Variants in STK3 observed in about 807,000 individuals in gnomAD.
STK3 encodes serine/threonine kinase 3, also known as serine/threonine-protein kinase 3.
In STK3, 41 loss-of-function variants were observed where a neutral mutation model predicts 58.0. The observed-to-expected ratio is 0.71, with a 90% CI of 0.55 to 0.92. STK3 has a LOEUF of 0.92. STK3 is among the 40% of genes least tolerant of loss of function. The pLI, the probability that STK3 is intolerant of heterozygous loss-of-function variation, is 0.00. For missense variants in STK3, 479 were observed against 602.7 expected (o/e 0.79, Z 2.15); for synonymous variants, 170 against 191.0 (o/e 0.89, Z 0.91).
intron 6 of STK3, chr8:98,602,047 T>G (rs1001685600): frequency 2.0e-5 from 3 of 152,228 alleles, no homozygotes; most frequent in African/African-American, 7.2e-5. Context: ...AGAACCACTA[T>G]TCTAAAATAT....
At chr8:98,535,732 A>C (rs995137638) in intron 9 of STK3, among the ~76,000 whole-genome samples, 1 of 152,220 alleles carries the variant, frequency 6.6e-6, no homozygotes, top group South Asian at 2.1e-4. Context: ...TTCTAATATG[A>C]CCTACATATT....
intron 3 of STK3, among the ~76,000 whole-genome samples, chr8:98,423,424 A>G (rs11785588): frequency 0.074 from 11,191 of 152,256 alleles, 626 homozygotes; most frequent in African/African-American, 0.15. Flanking sequence ...CAGCTGGTGG[A>G]GAAGAGAGCA....
intron 8 of STK3, among the ~76,000 whole-genome samples, chr8:98,577,113 G>A: frequency 6.6e-6 from 1 of 152,128 alleles, no homozygotes; most frequent in Non-Finnish European, 1.5e-5. Context: ...AAGTTGATTT[G>A]TCAGTTTTTT....
intron 7 of STK3, among the ~76,000 whole-genome samples, chr8:98,593,839 C>T (rs1042934775): frequency 3.3e-5 from 5 of 151,960 alleles, no homozygotes; most frequent in African/African-American, 7.3e-5. Context: ...AGAATGGTTC[C>T]TAGGCTTCCT....
chr8:98,539,064 C>G (rs1810016082), intron 9 of STK3, among the ~76,000 whole-genome samples: 1 of 152,142 alleles, frequency 6.6e-6, no homozygotes, highest in African/African-American at 2.4e-5. Flanking sequence ...AGGAATGGAA[C>G]AGTTTTTCAT....
At chr8:98,917,653 C>A (rs1467323518) in intron 1 of STK3, among the ~76,000 whole-genome samples, 4 of 152,176 alleles carry the variant, frequency 2.6e-5, no homozygotes, top group African/African-American at 7.2e-5. Flanking sequence ...TCTCGAATAG[C>A]CCAGCCTCTA....
In STK3 at chr8:98,547,971, T is replaced by C. The variant is rs1321523112; in HGVS notation, c.1139A>G (p.Lys380Arg). ...TTTAATGTAAAAAAGCCACATACTT[T>C]TCATAGTTCCATCTTCTTCTTCCTC... Reference protein sequence around the residue: ...EDEEEEDGTMKRNATSPQVQR... With the variant: ...EDEEEEDGTMRRNATSPQVQR... Residue 380 changes from lysine to arginine, a missense_variant and splice_region_variant, in exon 9 of 11, where the codon AAA (lysine) becomes AGA (arginine). This residue lies in a region of STK3 where 309 missense variants were observed against 355.7 expected (regional missense o/e 0.87). Coordinates refer to ENST00000419617, the MANE Select transcript of STK3 (RefSeq NM_006281.4). 1.9e-6 allele frequency: 3 copies of C among 1,572,048 alleles called. No homozygotes were observed. The highest frequency in any genetic ancestry group is 2.6e-6 in the Non-Finnish European group (3 of 1,161,496).
chr8:98,814,548 C>A (rs1055915315), intron 1 of STK3, among the ~76,000 whole-genome samples: 20 of 152,110 alleles, frequency 1.3e-4, no homozygotes, highest in Admixed American at 3.9e-4. Context: ...ACCAGGTCAC[C>A]CAAGCTGGAG....
intron 3 of STK3, among the ~76,000 whole-genome samples, chr8:98,410,292 C>T (rs1361280302): frequency 1.3e-5 from 2 of 152,084 alleles, no homozygotes; most frequent in Non-Finnish European, 2.9e-5. Flanking sequence ...ATGTGAACGC[C>T]GTCCTCTCGC....
chr8:98,926,119 A>G (rs991558223), intron 1 of STK3, among the ~76,000 whole-genome samples: 6 of 152,160 alleles, frequency 3.9e-5, no homozygotes, highest in African/African-American at 1.2e-4. Context: ...TATTTCAAGA[A>G]CCACATATAA....
At chr8:98,712,527 G>C (rs970778910) in intron 4 of STK3, among the ~76,000 whole-genome samples, 1 of 151,124 alleles carries the variant, frequency 6.6e-6, no homozygotes, top group Admixed American at 6.6e-5. Flanking sequence ...AAGATCAAAA[G>C]AGACAAAGAA....
intron 8 of STK3, among the ~76,000 whole-genome samples, chr8:98,550,897 T>G (rs1362886213): frequency 6.6e-6 from 1 of 152,338 alleles, no homozygotes; most frequent in South Asian, 2.1e-4. Flanking sequence ...TCTTGAATAC[T>G]ATTTCTATCA....
chr8:98,717,201 A>C (rs946964030), intron 4 of STK3, among the ~76,000 whole-genome samples: 3 of 151,956 alleles, frequency 2.0e-5, no homozygotes, highest in Non-Finnish European at 4.4e-5. Flanking sequence ...AAAAAAAAAA[A>C]CCTGTGCATC....
upstream of STK3, among the ~76,000 whole-genome samples, chr8:98,828,445 A>AC (rs1267825204): frequency 7.0e-3 from 1,039 of 147,422 alleles, 22 homozygotes; most frequent in African/African-American, 0.024. Context: ...TACAAAAAAA[A>AC]AAAAAAAAAA....
At chr8:98,368,631 TC>T (rs1817585781), downstream of STK3, among the ~76,000 whole-genome samples, 1 of 152,150 alleles carries the variant, frequency 6.6e-6, no homozygotes, top group Non-Finnish European at 1.5e-5. Context: ...CAAACCTATG[TC>T]TCCTGCATTC....
chr8:98,914,806 T>C (rs1263414089), intron 1 of STK3, among the ~76,000 whole-genome samples: 2 of 152,178 alleles, frequency 1.3e-5, no homozygotes, highest in Non-Finnish European at 2.9e-5. Context: ...AAACAGTGGT[T>C]GATTGAAGGA....
chr8:98,404,021 C>A (rs1817969452), intron 3 of STK3, among the ~76,000 whole-genome samples: 1 of 152,320 alleles, frequency 6.6e-6, no homozygotes, highest in South Asian at 2.1e-4. Flanking sequence ...GGTCAAACCC[C>A]CACAAATGCA....
At chr8:98,500,174 C>CA (rs11367582) in intron 10 of STK3, among the ~76,000 whole-genome samples, 3 of 151,428 alleles carry the variant, frequency 2.0e-5, no homozygotes, top group South Asian at 2.1e-4. Context: ...GTCATGTGAC[C>CA]AAAAAAAAAG....
intron 1 of STK3, among the ~76,000 whole-genome samples, chr8:98,447,348 G>A (rs1208874591): frequency 6.6e-6 from 1 of 152,052 alleles, no homozygotes; most frequent in Non-Finnish European, 1.5e-5. Context: ...TACCTTTGAG[G>A]ACTTCCAATC....
Sources: allele counts gnomAD v4.1 joint callset (sites outside exome capture counted in the v4.1 genomes callset), GRCh38; gene constraint gnomAD v4.1.1; regional missense constraint gnomAD v4.1.1; transcripts MANE v1.5; gene names NCBI Gene and HGNC (gene_info 2026-07-23, HGNC 2026-07-21).